MBNL3: variants seen among roughly 807,000 people sequenced by gnomAD.
MBNL3 encodes muscleblind-like protein 3.
In MBNL3, 6 loss-of-function variants were observed where a neutral mutation model predicts 24.5. The observed-to-expected ratio is 0.25, with a 90% CI of 0.13 to 0.48. The LOEUF (loss-of-function observed/expected upper bound fraction) is 0.48, where lower values mean the gene tolerates loss of function less well. Among genes scored for constraint, MBNL3 ranks in the 20% least tolerant of loss-of-function variants. The probability of loss-of-function intolerance (pLI) is 0.99; values close to 1 mark genes in which losing one functional copy is unlikely to be tolerated. For synonymous variants in MBNL3, 100 were observed against 101.7 expected, an observed-to-expected ratio of 0.98 and a Z score of 0.10; for missense variants, 230 against 293.5, an observed-to-expected ratio of 0.78 and a Z score of 1.58.
Position 132,382,268 on chromosome X carries a change from G to A in MBNL3, c.963C>T (p.Pro321=), listed in dbSNP as rs2148040685. 2 of 1,196,726 alleles carry A rather than the reference G, an allele frequency of 1.7e-6. No homozygotes were observed. The highest frequency in any genetic ancestry group is 5.9e-5 in the East Asian group (2 of 33,663). Residue 321 remains proline, a synonymous_variant, in exon 8 of 9, where the codon CCC becomes CCT. Transcript: ENST00000370853. ...TGGTAGGTGTAGCACCGTGCATCATGGGCACTTTCAGTTGAAAACCATAGA... is the reference window on the plus strand; with the variant it reads ...TGGTAGGTGTAGCACCGTGCATCATAGGCACTTTCAGTTGAAAACCATAGA... ...LCMAPASNIV[P]MMHGATPTTV...
In MBNL3 at chrX:132,373,983, T is replaced by C. The variant is rs964173318; in HGVS notation, c.*5683A>G. On this transcript the variant is annotated 3_prime_UTR_variant, in exon 9 of 9. Coordinates refer to ENST00000370853, the MANE Select transcript of MBNL3 (RefSeq NM_001386889.1). Reference sequence around the variant, plus strand: ...GCCAGGAGCATTTTTTTTCCCTTTGTTGAAGGGAATGAACGGCCCTATGCT... The same window carrying C: ...GCCAGGAGCATTTTTTTTCCCTTTGCTGAAGGGAATGAACGGCCCTATGCT... 26 of 111,529 alleles carry C rather than the reference T, an allele frequency of 2.3e-4. No homozygotes were observed. Among genetic ancestry groups the C allele is most frequent in the African/African-American group, 7.8e-4 (24 of 30,719 alleles). The allele number at this position is 111,529 out of a possible 1,213,427, so 9.2% of individuals were successfully genotyped here.
chrX:132,431,791 C>T (rs1944759159), intron 2 of MBNL3: 1 of 111,844 alleles, frequency 8.9e-6, no homozygotes, highest in South Asian at 3.8e-4. Context: ...TGTATACATA[C>T]TCATGTGTCC....
Position 132,374,483 on chromosome X carries a change from C to G in MBNL3, c.*5183G>C, listed in dbSNP as rs1160110830. The G allele has an allele frequency of 9.0e-6, 1 of 111,702 alleles. No homozygotes were observed. Among genetic ancestry groups the G allele is most frequent in the Admixed American group, 9.5e-5 (1 of 10,506 alleles). 9.2% of individuals were successfully genotyped at this position (111,702 alleles called of 1,213,427 possible). ...TGACCTGTAGCAAACTAGAAAGCCT[C>G]CGTAACAGCAAAGCAACATTATGCT... On this transcript the variant is annotated 3_prime_UTR_variant, in exon 9 of 9. Coordinates refer to ENST00000370853, the MANE Select transcript of MBNL3 (RefSeq NM_001386889.1).
At chrX:132,409,305 G>A (rs1008481392) in intron 2 of MBNL3, among the ~76,000 whole-genome samples, 24 of 111,892 alleles carry the variant, frequency 2.1e-4, no homozygotes, top group African/African-American at 7.8e-4. Flanking sequence ...TTAAGGCTTT[G>A]GTAAAGCATG....
intron 8 of MBNL3, among the ~76,000 whole-genome samples, 179 bp from the exon 9 acceptor site, chrX:132,379,856 T>C (rs1160125236): frequency 9.0e-6 from 1 of 111,618 alleles, no homozygotes; most frequent in Non-Finnish European, 1.9e-5. Flanking sequence ...GAAAGAACCA[T>C]ATATCTATGA....
At chrX:132,425,145 C>T (rs1405347483) in intron 2 of MBNL3, among the ~76,000 whole-genome samples, 8 of 111,622 alleles carry the variant, frequency 7.2e-5, no homozygotes, top group Non-Finnish European at 5.7e-5. Flanking sequence ...TCAAATGTTC[C>T]AGACACCTTC....
At chrX:132,384,250 C>T (rs749684209) in intron 7 of MBNL3, among the ~76,000 whole-genome samples, 1 of 112,103 alleles carries the variant, frequency 8.9e-6, no homozygotes, top group South Asian at 3.7e-4. Flanking sequence ...GCTTTAAGTC[C>T]TATAGATAAC....
At chrX:132,442,417 G>A (rs145725322) in intron 1 of MBNL3, among the ~76,000 whole-genome samples, 1,822 of 111,936 alleles carry the variant, frequency 0.016, 30 homozygotes, top group African/African-American at 0.056. Context: ...TGAATTTCAA[G>A]AGTAAATTCA....
At chrX:132,396,348 A>C (rs942561538) in intron 3 of MBNL3, among the ~76,000 whole-genome samples, 33 of 42,668 alleles carry the variant, frequency 7.7e-4, no homozygotes, top group African/African-American at 6.0e-3. Flanking sequence ...ATATATTCAT[A>C]TATATATATT....
intron 2 of MBNL3, among the ~76,000 whole-genome samples, chrX:132,410,248 A>T (rs1942537981): frequency 8.9e-6 from 1 of 112,134 alleles, no homozygotes; most frequent in Non-Finnish European, 1.9e-5. Context: ...TAGAGATTCA[A>T]ATCCCACCTA....
Position 132,379,481 on chromosome X carries a change from T to C in MBNL3, c.*185A>G, listed in dbSNP as rs1312214981. 5.0e-6 allele frequency: 2 copies of C among 402,553 alleles called. No homozygotes were observed. The allele number at this position is 402,553 out of a possible 1,213,427, so 33.2% of individuals were successfully genotyped here. A position where few individuals can be genotyped will look rare whatever the true frequency, so the allele number is the denominator to read the frequency against. On this transcript the variant is annotated 3_prime_UTR_variant, in exon 9 of 9. Transcript: ENST00000370853. Reference sequence around the variant, plus strand: ...GTTTTCTATTTGTGTTGTTTTAACATCTCCATTGATTTTTAATGCTTTATT... The same window carrying C: ...GTTTTCTATTTGTGTTGTTTTAACACCTCCATTGATTTTTAATGCTTTATT...
intron 1 of MBNL3, among the ~76,000 whole-genome samples, chrX:132,443,074 C>G (rs761130991): frequency 8.9e-6 from 1 of 112,311 alleles, no homozygotes; most frequent in African/African-American, 3.2e-5. Context: ...AGTTCTGCTT[C>G]TTAAGATTTA....
chrX:132,466,527 G>A (rs925371431), intron 1 of MBNL3, among the ~76,000 whole-genome samples: 8 of 112,259 alleles, frequency 7.1e-5, no homozygotes, highest in African/African-American at 2.6e-4. Context: ...GAGTCTTTAA[G>A]ATTTGGGTCT....
chrX:132,407,982 A>G (rs1251811288), intron 2 of MBNL3, among the ~76,000 whole-genome samples: 2 of 107,895 alleles, frequency 1.9e-5, no homozygotes, highest in Non-Finnish European at 3.8e-5. Context: ...TCTCCTCTCT[A>G]ATCTCTTTTC....
At position 132,379,444 on chromosome X, in the gene MBNL3, TG is replaced by T; in HGVS notation, c.*221del. 1 of 364,107 alleles carries T rather than the reference TG, an allele frequency of 2.7e-6. No homozygotes were observed. Among genetic ancestry groups the T allele is most frequent in the Non-Finnish European group, 4.8e-6 (1 of 207,768 alleles). 30.0% of individuals were successfully genotyped at this position (364,107 alleles called of 1,213,427 possible). A position where few individuals can be genotyped will look rare whatever the true frequency, so the allele number is the denominator to read the frequency against. On this transcript the variant is annotated 3_prime_UTR_variant, in exon 9 of 9. Transcript: ENST00000370853. The stretch of plus-strand genomic sequence containing the variant: ...TGCTTGATAATTCAAATAGGATGGA[TG>T]GTAGTTACTAGTTTTCTATTTGTGT...
At chrX:132,399,804 T>TAA (rs199556571) in intron 3 of MBNL3, among the ~76,000 whole-genome samples, 21 of 91,514 alleles carry the variant, frequency 2.3e-4, no homozygotes, top group African/African-American at 2.8e-4. Context: ...AACCTGCAGG[T>TAA]AAAAAAAAAA....
Position 132,439,771 on chromosome X carries a change from CTGGT to C in MBNL3, c.-164_-161del. 2 of 788,506 alleles carry C rather than the reference CTGGT, an allele frequency of 2.5e-6. No homozygotes were observed. The highest frequency in any genetic ancestry group is 4.3e-5 in the African/African-American group (2 of 46,430). The allele number at this position is 788,506 out of a possible 1,213,427, so 65.0% of individuals were successfully genotyped here. A position where few individuals can be genotyped will look rare whatever the true frequency, so the allele number is the denominator to read the frequency against. ...ACTTAGGTTTTCATTAAAGTCAAAT[CTGGT>C]CTAGTCAAACAAAAAGCCAATCATA... On this transcript the variant is annotated 5_prime_UTR_variant, in exon 2 of 9. Coordinates refer to ENST00000370853, the MANE Select transcript of MBNL3 (RefSeq NM_001386889.1).
At chrX:132,397,887 G>A (rs920712210) in intron 3 of MBNL3, among the ~76,000 whole-genome samples, 35 of 111,064 alleles carry the variant, frequency 3.2e-4, no homozygotes, top group African/African-American at 1.1e-3. Flanking sequence ...GCAGGCTGCA[G>A]GAGACCCACA....
intron 1 of MBNL3, among the ~76,000 whole-genome samples, chrX:132,469,994 AT>A (rs1251010218): frequency 9.0e-6 from 1 of 111,438 alleles, no homozygotes; most frequent in East Asian, 2.8e-4. Flanking sequence ...GCCTTTTTTC[AT>A]TTAATACAAT....
Sources: gnomAD v4.1 joint callset for allele counts (sites outside exome capture counted in the v4.1 genomes callset) on GRCh38, gnomAD v4.1.1 for gene constraint, MANE v1.5 for transcripts, NCBI Gene and HGNC (gene_info 2026-07-23, HGNC 2026-07-21) for gene names.